GLDC: variants seen among roughly 807,000 people sequenced by gnomAD.
GLDC encodes the protein glycine decarboxylase.
A neutral mutation model predicts 121.3 loss-of-function variants in GLDC; 104 were observed. The observed-to-expected ratio is 0.86, with a 90% CI of 0.73 to 1.01. The LOEUF (loss-of-function observed/expected upper bound fraction) is 1.01. Ranked by LOEUF, GLDC falls within the 50% of genes least tolerant of loss-of-function variation. GLDC has a pLI of 0.00. For missense variants in GLDC, 1,429 were observed against 1,306.6 expected (o/e 1.09, Z -1.44); for synonymous variants, 546 against 480.6 (o/e 1.14, Z -1.78).
At chr9:6,557,171 C>A (rs1383944686) in intron 17 of GLDC, among the ~76,000 whole-genome samples, 1 of 151,922 alleles carries the variant, frequency 6.6e-6, no homozygotes, top group East Asian at 1.9e-4. Context: ...AACGTTCCCT[C>A]AACACAAAGA....
At chr9:6,619,517 C>A (rs1282116244) in intron 3 of GLDC, among the ~76,000 whole-genome samples, 1 of 152,076 alleles carries the variant, frequency 6.6e-6, no homozygotes, top group Non-Finnish European at 1.5e-5. Flanking sequence ...CACCTGAGGT[C>A]AGGAGTTCGA....
intron 4 of GLDC, among the ~76,000 whole-genome samples, chr9:6,609,083 A>G (rs1449874628): frequency 1.3e-5 from 2 of 152,158 alleles, no homozygotes; most frequent in African/African-American, 4.8e-5. Flanking sequence ...CACAAAACCT[A>G]AGACACGGCC....
intron 21 of GLDC, among the ~76,000 whole-genome samples, chr9:6,549,859 G>T (rs139996309): frequency 1.3e-5 from 2 of 152,068 alleles, no homozygotes; most frequent in Non-Finnish European, 2.9e-5. Context: ...TGATTGTAAC[G>T]GTCTCTTCAT....
intron 2 of GLDC, among the ~76,000 whole-genome samples, chr9:6,623,385 G>C (rs889758459): frequency 5.5e-5 from 8 of 146,444 alleles, no homozygotes; most frequent in Non-Finnish European, 1.2e-4. Context: ...GGCGGTGCAA[G>C]ATGTGCTTTG....
chr9:6,627,245 G>A (rs149834206), intron 2 of GLDC, among the ~76,000 whole-genome samples: 3,605 of 139,680 alleles, frequency 0.026, 154 homozygotes, highest in African/African-American at 0.084. Flanking sequence ...GCAGTGAGCC[G>A]AGATCACGCC....
At chr9:6,571,156 G>C (rs1817958605) in intron 15 of GLDC, among the ~76,000 whole-genome samples, 1 of 151,752 alleles carries the variant, frequency 6.6e-6, no homozygotes, top group African/African-American at 2.4e-5. Flanking sequence ...AAAGTAACTG[G>C]AATAGCTACT....
chr9:6,585,857 T>TATCC (rs1196781039), intron 15 of GLDC, among the ~76,000 whole-genome samples: 2 of 112,924 alleles, frequency 1.8e-5, no homozygotes, highest in African/African-American at 7.0e-5. Context: ...TGTATGTATG[T>TATCC]ATGTATGTAT....
intron 15 of GLDC, among the ~76,000 whole-genome samples, chr9:6,579,676 A>T (rs1818137745): frequency 6.6e-6 from 1 of 152,078 alleles, no homozygotes; most frequent in Non-Finnish European, 1.5e-5. Flanking sequence ...ATTGAAACTC[A>T]TGGTTTTAGT....
chr9:6,573,993 G>T lies in GLDC; in HGVS notation c.1851-8564C>A, dbSNP rs1818014589. On this transcript the variant is annotated intron_variant, in intron 15 of 24. Transcript: ENST00000321612. ...CGTTAGCCAGGTCTCTATCTCTATG[G>T]ATTTAAAATCAAAACCCCTCAACAC... is the stretch of plus-strand genomic sequence containing the variant. Among the ~76,000 whole-genome samples the T allele has an allele frequency of 1.3e-5, 2 of 152,088 alleles. 1 individual carries two copies. The highest frequency in any genetic ancestry group is 4.1e-4 in the South Asian group (2 of 4,820).
chr9:6,551,068 G>T (rs760125752), intron 20 of GLDC, among the ~76,000 whole-genome samples, 154 bp from the exon 21 acceptor site: 1 of 152,116 alleles, frequency 6.6e-6, no homozygotes, highest in Non-Finnish European at 1.5e-5. Context: ...TTCCAACAAG[G>T]ATATCTGTCA....
chr9:6,600,168 A>G (rs1227849574), intron 8 of GLDC, among the ~76,000 whole-genome samples: 1 of 152,196 alleles, frequency 6.6e-6, no homozygotes, highest in Non-Finnish European at 1.5e-5. Context: ...ATTTGAGACC[A>G]ACCTGAGCAA....
chr9:6,602,709 G>C (rs992950140), intron 7 of GLDC, among the ~76,000 whole-genome samples: 1 of 152,094 alleles, frequency 6.6e-6, no homozygotes, highest in Non-Finnish European at 1.5e-5. Context: ...AATAAGTCTA[G>C]GAATTTTGAA....
intron 17 of GLDC, among the ~76,000 whole-genome samples, chr9:6,556,804 A>T (rs1817642418): frequency 6.6e-6 from 1 of 151,854 alleles, no homozygotes. Context: ...AAAAAAAAAA[A>T]AGAAAAAAGA....
chr9:6,622,296 A>G (rs1819118316), intron 2 of GLDC, among the ~76,000 whole-genome samples: 1 of 149,460 alleles, frequency 6.7e-6, no homozygotes, highest in Non-Finnish European at 1.5e-5. Context: ...CCACGGGCCG[A>G]AGCTGGACTG....
At chr9:6,543,106 A>G (rs1817304435) in intron 21 of GLDC, among the ~76,000 whole-genome samples, 1 of 151,798 alleles carries the variant, frequency 6.6e-6, no homozygotes, top group Non-Finnish European at 1.5e-5. Flanking sequence ...GCAAGACCCT[A>G]TCCTACAAAA....
chr9:6,606,992 G>C (rs1330544446), intron 4 of GLDC, among the ~76,000 whole-genome samples: 1 of 152,246 alleles, frequency 6.6e-6, no homozygotes, highest in South Asian at 2.1e-4. Flanking sequence ...GAACCAGGGA[G>C]GCCGAGGTTG....
intron 2 of GLDC, among the ~76,000 whole-genome samples, chr9:6,641,975 A>T (rs1385719773): frequency 6.6e-6 from 1 of 152,176 alleles, no homozygotes; most frequent in African/African-American, 2.4e-5. Flanking sequence ...CAGAGCTTAC[A>T]TGCACCAATT....
intron 15 of GLDC, among the ~76,000 whole-genome samples, chr9:6,580,533 C>G (rs1818153450): frequency 6.6e-6 from 1 of 152,160 alleles, no homozygotes; most frequent in Admixed American, 6.5e-5. Flanking sequence ...CTGAAGCCCT[C>G]TAATTAGACC....
At chr9:6,562,842 T>G (rs1312750100) in intron 16 of GLDC, among the ~76,000 whole-genome samples, 1 of 152,250 alleles carries the variant, frequency 6.6e-6, no homozygotes, top group Non-Finnish European at 1.5e-5. Context: ...ATTACAGGCA[T>G]GAGCCACCAT....
Sources: gnomAD v4.1 joint callset for allele counts (sites outside exome capture counted in the v4.1 genomes callset) on GRCh38, gnomAD v4.1.1 for gene constraint, MANE v1.5 for transcripts, NCBI Gene and HGNC (gene_info 2026-07-23, HGNC 2026-07-21) for gene names.